VPS13A: variants seen among roughly 807,000 people sequenced by gnomAD.
The protein encoded by VPS13A is vacuolar protein sorting 13 homolog A.
Under a neutral mutation model 390.9 loss-of-function variants are expected in VPS13A, and 264 were observed. The ratio of observed to expected loss-of-function variants is 0.68; its 90% CI spans 0.61 to 0.75. The LOEUF (loss-of-function observed/expected upper bound fraction) is 0.75. Ranked by LOEUF, VPS13A falls within the 30% of genes least tolerant of loss-of-function variation. VPS13A has a pLI of 0.00. For missense variants in VPS13A, 3,409 were observed against 3,733.9 expected, an observed-to-expected ratio of 0.91 and a Z score of 2.27; for synonymous variants, 1,231 against 1,227.1, an observed-to-expected ratio of 1.00 and a Z score of -0.07.
intron 29 of VPS13A, 39 bp from the exon 30 acceptor site, chr9:77,283,316 T>C (rs776869510): frequency 1.6e-6 from 2 of 1,227,748 alleles, no homozygotes; most frequent in Non-Finnish European, 1.2e-6. Flanking sequence ...CTACTAAATG[T>C]TTTTCCTCAT....
rs750451967 is a variant in VPS13A, at chr9:77,418,605, AGTT to A, written c.*2606_*2608del. The A allele has an allele frequency of 5.9e-5, 9 of 152,122 alleles. No homozygotes were observed. Among genetic ancestry groups the A allele is most frequent in the African/African-American group, 1.2e-4 (5 of 41,430 alleles). The allele number at this position is 152,122 out of a possible 1,614,324, so 9.4% of individuals were successfully genotyped here. A position where few individuals can be genotyped will look rare whatever the true frequency, so the allele number is the denominator to read the frequency against. ...TCCCAAGGTCAGTTTAGTGTGGCTG[AGTT>A]GTTGTTATCTGGACCCTAAACAATC... On this transcript the variant is annotated 3_prime_UTR_variant, in exon 72 of 72. Transcript: ENST00000360280.
rs1825677983 is a variant in VPS13A at position 77,260,233 on chromosome 9, A to G, written c.2427+9A>G. Reference sequence around the variant, plus strand: ...CTGTCAAATCATTCCAGGTAATGTTACTTTCAAAATTAATATAAGCATGAA... The same window carrying G: ...CTGTCAAATCATTCCAGGTAATGTTGCTTTCAAAATTAATATAAGCATGAA... On this transcript the variant is annotated intron_variant, in intron 23 of 71. Transcript: ENST00000360280. 1 of 1,612,342 alleles carries G rather than the reference A, an allele frequency of 6.2e-7. No homozygotes were observed.
chr9:77,384,996 T>C, intron 68 of VPS13A: 11 of 1,068,996 alleles, frequency 1.0e-5, no homozygotes, highest in Non-Finnish European at 1.1e-5. Context: ...ACTGGTTTTA[T>C]TTTAAATTGC....
At chr9:77,310,771 C>G (rs1320495467) in intron 35 of VPS13A, among the ~76,000 whole-genome samples, 1 of 151,996 alleles carries the variant, frequency 6.6e-6, no homozygotes, top group Non-Finnish European at 1.5e-5. Flanking sequence ...AATAGTAAAG[C>G]CTTAAAGAGT....
intron 19 of VPS13A, among the ~76,000 whole-genome samples, chr9:77,238,681 A>G (rs1824290392): frequency 6.6e-6 from 1 of 152,192 alleles, no homozygotes; most frequent in African/African-American, 2.4e-5. Context: ...TTCCTTTCTT[A>G]GAATGCGTTC....
At chr9:77,259,742 A>G (rs1403375775) in intron 22 of VPS13A, among the ~76,000 whole-genome samples, 3 of 152,306 alleles carry the variant, frequency 2.0e-5, no homozygotes, top group South Asian at 2.1e-4. Context: ...GAGCAAAAAT[A>G]GGTTGTCTGC....
rs1830303091 is a variant in VPS13A, at chr9:77,332,029, TC to T, written c.6014del (p.Pro2005HisfsTer24). On this transcript the variant is annotated frameshift_variant, in exon 46 of 72. Transcript: ENST00000360280. LOFTEE classifies it high-confidence loss of function. ...SPVQIRNHFSVPLSVYEGDTL... is the reference protein window; with the variant it reads ...SPVQIRNHFSXPLSVYEGDTL... The stretch of plus-strand genomic sequence containing the variant: ...TCCCAGATAAGAAATCATTTTTCAG[TC>T]CCACTGTCTGTTTACGAAGGGGATA... 1 of 1,610,672 alleles carries T rather than the reference TC, an allele frequency of 6.2e-7. No homozygotes were observed. The highest frequency in any genetic ancestry group is 1.3e-5 in the African/African-American group (1 of 74,866).
At chr9:77,237,309 T>C (rs1217927057) in intron 17 of VPS13A, among the ~76,000 whole-genome samples, 2 of 152,152 alleles carry the variant, frequency 1.3e-5, no homozygotes, top group African/African-American at 4.8e-5. Flanking sequence ...GTTGCTGAGC[T>C]CCTCACATAG....
chr9:77,256,861 T>G (rs1052622383), intron 22 of VPS13A, among the ~76,000 whole-genome samples: 16 of 152,186 alleles, frequency 1.1e-4, no homozygotes, highest in African/African-American at 3.9e-4. Flanking sequence ...TTCATTTTTT[T>G]TTTCACTTTT....
chr9:77,330,011 G>C, intron 45 of VPS13A, among the ~76,000 whole-genome samples: 1 of 152,062 alleles, frequency 6.6e-6, no homozygotes. Flanking sequence ...ACACGCTTCT[G>C]TTTCTTTCTT....
chr9:77,316,204 T>A lies in VPS13A; in HGVS notation c.4661T>A (p.Ile1554Asn), dbSNP rs1210234439. The A allele has an allele frequency of 6.2e-7, 1 of 1,612,484 alleles. No individual in the cohort carries two copies. The highest frequency in any genetic ancestry group is 1.1e-5 in the South Asian group (1 of 90,964). Residue 1554 changes from isoleucine to asparagine, a missense_variant, in exon 39 of 72, where the codon ATT becomes AAT. Physicochemically the swap from Ile to Asn is moderately radical, Grantham distance 149 (BLOSUM62 -3). Transcript: ENST00000360280. Reference protein sequence around the residue: ...VPTQESVKWEINVIIKNPEIV... With the variant: ...VPTQESVKWENNVIIKNPEIV... ...ACACAGGAATCAGTGAAGTGGGAAA[T>A]TAATGTTATTATTAAAAATCCTGAA...
intron 45 of VPS13A, among the ~76,000 whole-genome samples, chr9:77,324,003 C>T (rs1230321108): frequency 6.6e-6 from 1 of 150,628 alleles, no homozygotes; most frequent in Non-Finnish European, 1.5e-5. Flanking sequence ...GATTTTTTTT[C>T]CAGAGGATTT....
chr9:77,235,728 A>G (rs1824106635), intron 17 of VPS13A, among the ~76,000 whole-genome samples: 1 of 151,936 alleles, frequency 6.6e-6, no homozygotes, highest in African/African-American at 2.4e-5. Context: ...ATTGTTCTTC[A>G]TTATTCTTTA....
At chr9:77,314,953 G>A (rs1424855464) in intron 37 of VPS13A, among the ~76,000 whole-genome samples, 1 of 152,000 alleles carries the variant, frequency 6.6e-6, no homozygotes, top group Non-Finnish European at 1.5e-5. Flanking sequence ...TCTAATATAA[G>A]TTATTGTTAA....
At chr9:77,400,688 C>T (rs1366134383) in intron 68 of VPS13A, among the ~76,000 whole-genome samples, 3 of 151,402 alleles carry the variant, frequency 2.0e-5, no homozygotes, top group Non-Finnish European at 4.4e-5. Context: ...ATTAGCCGGG[C>T]GTGGTGATGG....
intron 4 of VPS13A, 95 bp from the exon 5 acceptor site, chr9:77,205,883 C>G: frequency 1.0e-6 from 1 of 973,510 alleles, no homozygotes; most frequent in Non-Finnish European, 1.5e-6. Context: ...AGCCACCGCG[C>G]CCGGCCAATT....
intron 1 of VPS13A, among the ~76,000 whole-genome samples, chr9:77,185,230 C>T (rs1432504996): frequency 4.6e-5 from 7 of 152,126 alleles, no homozygotes; most frequent in African/African-American, 1.7e-4. Flanking sequence ...CAACCTCCGC[C>T]TCCCGGGTTC....
chr9:77,358,009 G>A (rs1033875125), intron 56 of VPS13A, among the ~76,000 whole-genome samples, 171 bp downstream of exon 56: 2 of 136,648 alleles, frequency 1.5e-5, no homozygotes. Flanking sequence ...AGGCTAGAGT[G>A]CAGTGGCGGA....
At chr9:77,243,530 TTATCC>T (rs1387017041) in intron 19 of VPS13A, among the ~76,000 whole-genome samples, 1 of 152,218 alleles carries the variant, frequency 6.6e-6, no homozygotes, top group Non-Finnish European at 1.5e-5. Flanking sequence ...GCTCAACTAG[TTATCC>T]TTTGTCTCTG....
Sources: gnomAD v4.1 joint callset for allele counts (sites outside exome capture counted in the v4.1 genomes callset) on GRCh38, gnomAD v4.1.1 for gene constraint, MANE v1.5 for transcripts, NCBI Gene and HGNC (gene_info 2026-07-23, HGNC 2026-07-21) for gene names.